BMPER: variants seen among roughly 807,000 people sequenced by gnomAD.
BMPER encodes the protein BMP binding endothelial regulator, also known as BMP-binding endothelial regulator protein.
In BMPER, 45 loss-of-function variants were observed where a neutral mutation model predicts 87.3. That is an observed-to-expected ratio of 0.52 (90% CI 0.41 to 0.66). The LOEUF is 0.66. Ranked by LOEUF, BMPER falls within the 30% of genes least tolerant of loss-of-function variation. The probability of loss-of-function intolerance (pLI) is 0.00; values close to 1 mark genes in which losing one functional copy is unlikely to be tolerated. For missense variants in BMPER, 784 were observed against 867.5 expected, an observed-to-expected ratio of 0.90 and a Z score of 1.21; for synonymous variants, 326 against 316.2, an observed-to-expected ratio of 1.03 and a Z score of -0.33.
intron 6 of BMPER, among the ~76,000 whole-genome samples, chr7:34,031,925 TATACAC>T (rs1218890606): frequency 8.3e-5 from 8 of 96,050 alleles, no homozygotes; most frequent in East Asian, 3.3e-4. Context: ...TATATATATA[TATACAC>T]ACACACACAC....
chr7:33,921,937 C>A (rs548988662), intron 2 of BMPER: 34 of 440,138 alleles, frequency 7.7e-5, no homozygotes, highest in Non-Finnish European at 1.3e-4. Flanking sequence ...CCCTTCGACT[C>A]CTCAAAACCT....
rs557301209 is a variant in BMPER, at chr7:34,072,693, T to C, written c.1079-6164T>C. ...ATTCCCTCTTGCCATGTAAATAACA[T>C]AGTTACAGGTTCTGGGCATTAGGAG... On this transcript the variant is annotated intron_variant, in intron 11 of 14. Transcript: ENST00000649409. Among the ~76,000 whole-genome samples, 5 of 152,302 alleles carry C rather than the reference T, an allele frequency of 3.3e-5. No individual in the cohort carries two copies. In the East Asian group the frequency reaches 7.7e-4, roughly 23 times the overall value.
At chr7:34,039,015 T>A (rs986712161) in intron 6 of BMPER, among the ~76,000 whole-genome samples, 1 of 152,230 alleles carries the variant, frequency 6.6e-6, no homozygotes, top group African/African-American at 2.4e-5. Context: ...CCACCCGCAC[T>A]GTTTCTCGCT....
At chr7:33,906,692 A>G (rs926582423) in intron 1 of BMPER, 126 bp from the exon 2 acceptor site, 5 of 832,982 alleles carry the variant, frequency 6.0e-6, no homozygotes, top group Non-Finnish European at 9.9e-6. Flanking sequence ...TTAATAATTT[A>G]AACCACATTA....
At chr7:34,071,617 A>G (rs1413252761) in intron 11 of BMPER, among the ~76,000 whole-genome samples, 3 of 151,620 alleles carry the variant, frequency 2.0e-5, no homozygotes, top group Non-Finnish European at 4.4e-5. Flanking sequence ...AGGGAAGAAG[A>G]TGTTTTAAGG....
At chr7:34,041,780 G>GA (rs906894625) in intron 6 of BMPER, among the ~76,000 whole-genome samples, 1 of 151,794 alleles carries the variant, frequency 6.6e-6, no homozygotes. Context: ...CAACTCTAGA[G>GA]AAAAAAATAG....
intron 13 of BMPER, among the ~76,000 whole-genome samples, chr7:34,140,628 T>C (rs1380189503): frequency 7.4e-6 from 1 of 134,576 alleles, no homozygotes; most frequent in Non-Finnish European, 1.6e-5. Context: ...CAATGTGTGC[T>C]GAAAACATTT....
At chr7:34,031,921 T>TACAC (rs1312848645) in intron 6 of BMPER, among the ~76,000 whole-genome samples, 2 of 109,856 alleles carry the variant, frequency 1.8e-5, no homozygotes, top group East Asian at 5.3e-4. Context: ...TATATATATA[T>TACAC]ATATATACAC....
intron 6 of BMPER, among the ~76,000 whole-genome samples, chr7:34,015,627 A>G (rs1787001458): frequency 6.6e-6 from 1 of 151,970 alleles, no homozygotes; most frequent in South Asian, 2.1e-4. Context: ...GGGAAAATGC[A>G]CATTCCCTAT....
At chr7:34,076,220 G>A (rs556478821) in intron 11 of BMPER, among the ~76,000 whole-genome samples, 110 of 152,294 alleles carry the variant, frequency 7.2e-4, no homozygotes, top group Non-Finnish European at 1.1e-3. Context: ...ACTTGAGGCA[G>A]TAGATCTTCT....
intron 2 of BMPER, among the ~76,000 whole-genome samples, chr7:33,914,887 A>T (rs753419229): frequency 2.0e-5 from 3 of 152,168 alleles, no homozygotes; most frequent in African/African-American, 4.8e-5. Context: ...CATTGCAAAG[A>T]CCTGGAAGAT....
intron 3 of BMPER, among the ~76,000 whole-genome samples, chr7:33,958,433 G>C (rs1014800089): frequency 2.0e-5 from 3 of 152,226 alleles, no homozygotes; most frequent in Non-Finnish European, 2.9e-5. Context: ...ATTTAGAACA[G>C]AGTTCAAACA....
intron 13 of BMPER, among the ~76,000 whole-genome samples, chr7:34,100,106 G>A (rs1789640587): frequency 6.6e-6 from 1 of 152,080 alleles, no homozygotes; most frequent in East Asian, 1.9e-4. Flanking sequence ...CCTATTAAAT[G>A]CTAGGCACTG....
intron 9 of BMPER, among the ~76,000 whole-genome samples, chr7:34,057,032 G>A (rs1195337614): frequency 6.6e-6 from 1 of 152,170 alleles, no homozygotes; most frequent in African/African-American, 2.4e-5. Flanking sequence ...GGAACAGTCA[G>A]GTGTCCTTTA....
At chr7:33,976,357 C>T (rs1446428023) in intron 6 of BMPER, among the ~76,000 whole-genome samples, 1 of 151,874 alleles carries the variant, frequency 6.6e-6, no homozygotes, top group African/African-American at 2.4e-5. Context: ...TCCACCATGT[C>T]AGCCAGGCTG....
chr7:34,035,708 T>C (rs1431762983), intron 6 of BMPER, among the ~76,000 whole-genome samples: 1 of 152,220 alleles, frequency 6.6e-6, no homozygotes, highest in African/African-American at 2.4e-5. Flanking sequence ...CTGATGTTAC[T>C]CTGGCCTCAC....
chr7:34,130,944 T>C (rs1790568645), intron 13 of BMPER, among the ~76,000 whole-genome samples: 1 of 152,180 alleles, frequency 6.6e-6, no homozygotes, highest in Admixed American at 6.5e-5. Flanking sequence ...TTGCCACTTA[T>C]TAGTAATGTG....
intron 6 of BMPER, among the ~76,000 whole-genome samples, chr7:34,000,668 G>T (rs1447309358): frequency 1.3e-5 from 2 of 152,060 alleles, no homozygotes; most frequent in Non-Finnish European, 2.9e-5. Flanking sequence ...ACATTTGGGT[G>T]TGCATGATAC....
At chr7:34,055,059 A>G (rs1788246036) in intron 8 of BMPER, 104 bp from the exon 9 acceptor site, 1 of 1,507,472 alleles carries the variant, frequency 6.6e-7, no homozygotes, top group South Asian at 1.1e-5. Context: ...GGTACCTTAC[A>G]GACTTTGACA....
Sources: allele counts gnomAD v4.1 joint callset (sites outside exome capture counted in the v4.1 genomes callset), GRCh38; gene constraint gnomAD v4.1.1; transcripts MANE v1.5; gene names NCBI Gene and HGNC (gene_info 2026-07-23, HGNC 2026-07-21).